AGBL4: variants seen among roughly 807,000 people sequenced by gnomAD.
AGBL4 encodes cytosolic carboxypeptidase 6.
Under a neutral mutation model 66.4 loss-of-function variants are expected in AGBL4, and 58 were observed. The observed-to-expected ratio is 0.87, with a 90% CI of 0.71 to 1.09. The LOEUF is 1.09. AGBL4 is among the 50% of genes least tolerant of loss of function. The pLI is 0.00. For missense variants in AGBL4, 579 were observed against 631.0 expected (o/e 0.92, Z 0.88); for synonymous variants, 234 against 222.9 (o/e 1.05, Z -0.44).
chr1:49,213,734 C>G (rs1028980289), intron 4 of AGBL4, among the ~76,000 whole-genome samples: 2 of 152,078 alleles, frequency 1.3e-5, no homozygotes, highest in African/African-American at 4.8e-5. Context: ...ACTCAAGCTC[C>G]TTGGTGCTCT....
intron 3 of AGBL4, among the ~76,000 whole-genome samples, chr1:49,622,104 A>G (rs1645371766): frequency 6.6e-6 from 1 of 152,168 alleles, no homozygotes; most frequent in Non-Finnish European, 1.5e-5. Context: ...AGCAATGTCA[A>G]GTTTGATTCT....
intron 4 of AGBL4, among the ~76,000 whole-genome samples, chr1:49,117,069 T>C (rs1557654497): frequency 1.3e-5 from 2 of 152,072 alleles, no homozygotes; most frequent in Admixed American, 1.3e-4. Context: ...GATGGGGTTT[T>C]TTTTTTTCCT....
chr1:49,013,930 C>T (rs1487681053), intron 5 of AGBL4, among the ~76,000 whole-genome samples: 1 of 152,158 alleles, frequency 6.6e-6, no homozygotes, highest in Non-Finnish European at 1.5e-5. Flanking sequence ...TTCTATTTGT[C>T]CACCCCTTTC....
At chr1:49,956,398 T>C (rs1656607649) in intron 1 of AGBL4, among the ~76,000 whole-genome samples, 1 of 151,798 alleles carries the variant, frequency 6.6e-6, no homozygotes, top group African/African-American at 2.4e-5. Flanking sequence ...ATATCCAACA[T>C]TGTACCAGGA....
At chr1:48,705,747 A>G (rs1301319117) in intron 6 of AGBL4, among the ~76,000 whole-genome samples, 6 of 152,268 alleles carry the variant, frequency 3.9e-5, no homozygotes, top group Admixed American at 3.9e-4. Flanking sequence ...TTAAATAGAA[A>G]GCAGAGGTGA....
intron 5 of AGBL4, among the ~76,000 whole-genome samples, chr1:48,945,968 A>G (rs1039435748): frequency 6.6e-6 from 1 of 152,204 alleles, no homozygotes; most frequent in African/African-American, 2.4e-5. Context: ...TAAGTGTTCA[A>G]TTAGTGCTAG....
At chr1:49,252,255 T>C (rs746027097) in intron 3 of AGBL4, among the ~76,000 whole-genome samples, 1 of 151,936 alleles carries the variant, frequency 6.6e-6, no homozygotes, top group Non-Finnish European at 1.5e-5. Flanking sequence ...AAGAATTTCA[T>C]AATGCAATTG....
chr1:49,519,252 T>C (rs1310760151), intron 3 of AGBL4, among the ~76,000 whole-genome samples: 2 of 152,068 alleles, frequency 1.3e-5, no homozygotes, highest in Non-Finnish European at 2.9e-5. Context: ...ATATTGGTTT[T>C]TTATTCTCTA....
rs148161668 is a variant in AGBL4, at chr1:49,374,697, C to G, written c.283-128833G>C. 8.0e-3 allele frequency among the ~76,000 whole-genome samples: 1,218 copies of G among 152,150 alleles called. 9 individuals are homozygous for G. Among genetic ancestry groups the G allele is most frequent in the Middle Eastern group, 0.031 (9 of 294 alleles). Reference sequence around the variant, plus strand: ...ATTTACATCTTAATATCCCCACCAGCCACTAGATTTCCTATATATTGCTTA... The same window carrying G: ...ATTTACATCTTAATATCCCCACCAGGCACTAGATTTCCTATATATTGCTTA... On this transcript the variant is annotated intron_variant, in intron 3 of 13. Transcript: ENST00000371839.
chr1:49,029,459 T>C (rs1318955528), intron 5 of AGBL4, among the ~76,000 whole-genome samples: 1 of 152,128 alleles, frequency 6.6e-6, no homozygotes, highest in African/African-American at 2.4e-5. Context: ...ATAAAATATG[T>C]AGAAATGAAT....
intron 6 of AGBL4, among the ~76,000 whole-genome samples, chr1:48,857,077 A>C (rs1426421093): frequency 6.6e-6 from 1 of 152,334 alleles, no homozygotes; most frequent in South Asian, 2.1e-4. Flanking sequence ...ATCTCATAGC[A>C]GCTTGTTTTG....
chr1:48,635,675 C>G (rs1645657038), intron 8 of AGBL4, among the ~76,000 whole-genome samples: 2 of 152,242 alleles, frequency 1.3e-5, no homozygotes, highest in African/African-American at 4.8e-5. Context: ...GGACCACAAG[C>G]TTTTCAAGAG....
intron 1 of AGBL4, among the ~76,000 whole-genome samples, chr1:49,918,524 A>C (rs1571869647): frequency 6.6e-6 from 1 of 152,154 alleles, no homozygotes; most frequent in South Asian, 2.1e-4. Flanking sequence ...CACCCTCCCA[A>C]GACTAAACCA....
chr1:49,711,490 A>G (rs535708994), intron 2 of AGBL4, among the ~76,000 whole-genome samples: 1 of 152,250 alleles, frequency 6.6e-6, no homozygotes, highest in East Asian at 1.9e-4. Flanking sequence ...AAAACAAGGT[A>G]CATAATGAAT....
intron 5 of AGBL4, among the ~76,000 whole-genome samples, chr1:48,902,187 A>G (rs1652145806): frequency 6.6e-6 from 1 of 152,214 alleles, no homozygotes; most frequent in African/African-American, 2.4e-5. Flanking sequence ...ACCATATCAG[A>G]TAGTTTCTTC....
chr1:49,327,419 T>C (rs2148485526), intron 3 of AGBL4, among the ~76,000 whole-genome samples: 1 of 152,340 alleles, frequency 6.6e-6, no homozygotes, highest in East Asian at 1.9e-4. Flanking sequence ...TCTTAGTCCA[T>C]TCATGCTGTC....
At chr1:49,838,063 A>C (rs1645897811) in intron 2 of AGBL4, among the ~76,000 whole-genome samples, 1 of 152,194 alleles carries the variant, frequency 6.6e-6, no homozygotes, top group Non-Finnish European at 1.5e-5. Context: ...AGTTCAATAA[A>C]AGGAATTTAC....
intron 4 of AGBL4, among the ~76,000 whole-genome samples, chr1:49,152,931 C>T (rs937201746): frequency 2.0e-5 from 3 of 152,070 alleles, no homozygotes; most frequent in African/African-American, 7.2e-5. Flanking sequence ...CGAGATCATA[C>T]TGCCAGTCAC....
At chr1:49,596,783 G>C (rs1644861304) in intron 3 of AGBL4, among the ~76,000 whole-genome samples, 1 of 152,102 alleles carries the variant, frequency 6.6e-6, no homozygotes, top group Admixed American at 6.6e-5. Flanking sequence ...GGAAAGACTG[G>C]ATGAAGCAAC....
Sources: gnomAD v4.1 joint callset for allele counts (sites outside exome capture counted in the v4.1 genomes callset) on GRCh38, gnomAD v4.1.1 for gene constraint, MANE v1.5 for transcripts, NCBI Gene and HGNC (gene_info 2026-07-23, HGNC 2026-07-21) for gene names.